Variants in PAMR1 observed in about 807,000 individuals in gnomAD.
PAMR1 encodes the protein peptidase domain containing associated with muscle regeneration 1.
In PAMR1, 88 loss-of-function variants were observed where a neutral mutation model predicts 81.8. The ratio of observed to expected loss-of-function variants is 1.08; its 90% confidence interval spans 0.91 to 1.28. The LOEUF is 1.28. PAMR1 is among the 50% of genes most tolerant of loss of function. The probability of loss-of-function intolerance (pLI) is 0.00; values close to 1 mark genes in which losing one functional copy is unlikely to be tolerated. For missense variants in PAMR1, 935 were observed against 919.7 expected, an observed-to-expected ratio of 1.02 and a Z score of -0.21; for synonymous variants, 336 against 345.3, an observed-to-expected ratio of 0.97 and a Z score of 0.30.
At chr11:35,485,817 C>T (rs1850489127) in intron 3 of PAMR1, among the ~76,000 whole-genome samples, 1 of 152,042 alleles carries the variant, frequency 6.6e-6, no homozygotes, top group African/African-American at 2.4e-5. Flanking sequence ...AATGCCCAGG[C>T]TCTTCAGAGA....
At chr11:35,503,461 G>C in intron 1 of PAMR1, among the ~76,000 whole-genome samples, 1 of 151,966 alleles carries the variant, frequency 6.6e-6, no homozygotes, top group Admixed American at 6.6e-5. Flanking sequence ...AAATTGCTTT[G>C]AGTAGTATTG....
rs1226545976 is a variant in PAMR1, at chr11:35,525,542, T to C, written c.44A>G (p.Gln15Arg). Residue 15 changes from glutamine (Q) to arginine (R), a missense_variant, in exon 1 of 11, where the codon CAG becomes CGG. Coordinates refer to ENST00000619888, the MANE Select transcript of PAMR1 (RefSeq NM_001001991.3). ...TGGCAAGGACGAGATGAGAAGGAGC[T>C]GAAGAAAAGTGAGCCCCAACTGCGT... ...CWTQLGLTFL[Q>R]LLLISSLPRE... The C allele has an allele frequency of 6.2e-7, 1 of 1,613,832 alleles. No homozygotes were observed. Among genetic ancestry groups the C allele is most frequent in the Non-Finnish European group, 8.5e-7 (1 of 1,179,948 alleles).
intron 6 of PAMR1, among the ~76,000 whole-genome samples, chr11:35,446,994 G>A (rs369876204): frequency 6.6e-6 from 1 of 152,172 alleles, no homozygotes; most frequent in Non-Finnish European, 1.5e-5. Context: ...CTAAGAACCT[G>A]TTTTATGAAT....
At chr11:35,481,015 C>T (rs940470414) in intron 3 of PAMR1, among the ~76,000 whole-genome samples, 1 of 152,148 alleles carries the variant, frequency 6.6e-6, no homozygotes, top group Non-Finnish European at 1.5e-5. Flanking sequence ...TCATCCAGGT[C>T]CCTGCAAAGG....
chr11:35,517,294 C>T (rs1385250082), intron 1 of PAMR1, among the ~76,000 whole-genome samples: 1 of 152,192 alleles, frequency 6.6e-6, no homozygotes, highest in Non-Finnish European at 1.5e-5. Flanking sequence ...CATCTCATGG[C>T]CCTTTCAACA....
chr11:35,514,932 C>A (rs2135421745), intron 1 of PAMR1, among the ~76,000 whole-genome samples: 1 of 152,300 alleles, frequency 6.6e-6, no homozygotes, highest in South Asian at 2.1e-4. Flanking sequence ...TCGAGCCCAG[C>A]AGGTCAAGAC....
At chr11:35,465,575 C>T (rs565490760) in intron 6 of PAMR1, among the ~76,000 whole-genome samples, 1 of 152,318 alleles carries the variant, frequency 6.6e-6, no homozygotes, top group South Asian at 2.1e-4. Context: ...ACGTGTCCCC[C>T]AGTGAGTTAG....
chr11:35,456,238 T>C (rs1856529944), intron 6 of PAMR1, among the ~76,000 whole-genome samples: 3 of 152,128 alleles, frequency 2.0e-5, no homozygotes, highest in African/African-American at 4.8e-5. Flanking sequence ...AACCAATGAA[T>C]ACAGTAAAGG....
Position 35,474,624 on chromosome 11 carries a change from C to T in PAMR1, c.494+6G>A. 2 of 1,549,078 alleles carry T rather than the reference C, an allele frequency of 1.3e-6. No homozygotes were observed. Among genetic ancestry groups the T allele is most frequent in the Non-Finnish European group, 8.8e-7 (1 of 1,132,432 alleles). On this transcript the variant is annotated splice_donor_region_variant and intron_variant, in intron 4 of 10. Coordinates refer to ENST00000619888, the MANE Select transcript of PAMR1 (RefSeq NM_001001991.3). ...AGACTCCTGACTTCTGGCCCCAGCT[C>T]CTTACCTTAGTTGGATGACAAACCC...
chr11:35,439,713 T>C lies in PAMR1; in HGVS notation c.1034-20A>G, dbSNP rs758632466. 6.3e-6 allele frequency: 10 copies of C among 1,596,786 alleles called. No homozygotes were observed. Among genetic ancestry groups the C allele is most frequent in the Non-Finnish European group, 8.6e-6 (10 of 1,164,464 alleles). ...GGCAGGCTAGAAATAAAAAAGACAA[T>C]GCTGCATGATCCTTTTCCATATTCA... On this transcript the variant is annotated intron_variant, in intron 7 of 10. Coordinates refer to ENST00000619888, the MANE Select transcript of PAMR1 (RefSeq NM_001001991.3).
chr11:35,457,766 T>C (rs760528452), intron 6 of PAMR1, among the ~76,000 whole-genome samples: 19 of 152,110 alleles, frequency 1.2e-4, no homozygotes, highest in Non-Finnish European at 2.8e-4. Flanking sequence ...TAAGACTGCA[T>C]TATCAAGGAG....
Position 35,432,110 on chromosome 11 carries a change from T to C in PAMR1, c.*246A>G, listed in dbSNP as rs1590309266. On this transcript the variant is annotated 3_prime_UTR_variant, in exon 11 of 11. Transcript: ENST00000619888. ...GGAGAGGTTTTGTATATGGTCTTCTTTGAAGAAACTTACTTCTTGCAAGCC... is the reference window on the plus strand; with the variant it reads ...GGAGAGGTTTTGTATATGGTCTTCTCTGAAGAAACTTACTTCTTGCAAGCC... 6 of 530,334 alleles carry C rather than the reference T, an allele frequency of 1.1e-5. No individual in the cohort carries two copies. Among genetic ancestry groups the C allele is most frequent in the Admixed American group, 3.3e-5 (1 of 30,254 alleles). The allele number at this position is 530,334 out of a possible 1,614,324, so 32.9% of individuals were successfully genotyped here.
chr11:35,449,439 G>A (rs1416651107), intron 6 of PAMR1, among the ~76,000 whole-genome samples: 2 of 152,228 alleles, frequency 1.3e-5, no homozygotes, highest in African/African-American at 4.8e-5. Flanking sequence ...CCTGAAGGGA[G>A]GTGCCACCCA....
In PAMR1 at chr11:35,466,648, A is replaced by AC. The variant is rs201430461; in HGVS notation, c.820+1352dup. 2.1e-3 allele frequency among the ~76,000 whole-genome samples: 315 copies of AC among 147,392 alleles called. 9 individuals are homozygous for AC. In the East Asian group the frequency reaches 0.053, roughly 25 times the overall value. ...AGGCTGAGGCAGGAGAATGGCGTGA[A>AC]CCCAGGAGGCGGAGCTTGCAGTGAG... On this transcript the variant is annotated intron_variant, in intron 6 of 10. Coordinates refer to ENST00000619888, the MANE Select transcript of PAMR1 (RefSeq NM_001001991.3).
intron 5 of PAMR1, among the ~76,000 whole-genome samples, chr11:35,468,413 T>A (rs1177778608): frequency 6.6e-6 from 1 of 152,192 alleles, no homozygotes; most frequent in Non-Finnish European, 1.5e-5. Flanking sequence ...GAGCCATGCT[T>A]GTATCTCTCC....
chr11:35,517,469 A>G (rs1323934400), intron 1 of PAMR1, among the ~76,000 whole-genome samples: 1 of 152,256 alleles, frequency 6.6e-6, no homozygotes, highest in African/African-American at 2.4e-5. Context: ...GCAAGAGGTC[A>G]GAGTTTTCCA....
At chr11:35,485,500 C>T (rs1850481210) in intron 3 of PAMR1, among the ~76,000 whole-genome samples, 2 of 152,108 alleles carry the variant, frequency 1.3e-5, no homozygotes, top group African/African-American at 4.8e-5. Flanking sequence ...ACCAATCTTT[C>T]CTGGGCAGAA....
At chr11:35,434,915 G>A in intron 9 of PAMR1, 111 bp from the exon 10 acceptor site, 1 of 970,794 alleles carries the variant, frequency 1.0e-6, no homozygotes, top group African/African-American at 1.6e-5. Flanking sequence ...GTATGGGCAT[G>A]ATGACCACTA....
At chr11:35,477,260 A>G (rs1445048085) in intron 3 of PAMR1, among the ~76,000 whole-genome samples, 1 of 152,214 alleles carries the variant, frequency 6.6e-6, no homozygotes, top group African/African-American at 2.4e-5. Flanking sequence ...CTGGCATATA[A>G]CAGGTGCTCA....
Sources: gnomAD v4.1 joint callset for allele counts (sites outside exome capture counted in the v4.1 genomes callset) on GRCh38, gnomAD v4.1.1 for gene constraint, MANE v1.5 for transcripts, NCBI Gene and HGNC (gene_info 2026-07-23, HGNC 2026-07-21) for gene names.